Variants in RGSL1 observed in about 807,000 individuals in gnomAD.
RGSL1 encodes regulator of G protein signaling protein-like.
RGSL1 carries 97 observed loss-of-function variants against 124.7 expected under a neutral mutation model. The observed-to-expected ratio is 0.78, with a 90% CI of 0.66 to 0.92. The LOEUF (loss-of-function observed/expected upper bound fraction) is 0.92, where lower values mean the gene tolerates loss of function less well. RGSL1 is among the 40% of genes least tolerant of loss of function. The probability of loss-of-function intolerance (pLI) is 0.00; values close to 1 mark genes in which losing one functional copy is unlikely to be tolerated. For synonymous variants in RGSL1, 424 were observed against 438.1 expected (o/e 0.97, Z 0.40); for missense variants, 1,233 against 1,288.4 (o/e 0.96, Z 0.66).
At chr1:182,511,464 G>A (rs565182596) in intron 9 of RGSL1, among the ~76,000 whole-genome samples, 36 of 152,258 alleles carry the variant, frequency 2.4e-4, no homozygotes, top group African/African-American at 2.4e-4. Flanking sequence ...GAGCCACCGC[G>A]CCTGTCCAGT....
In RGSL1 at chr1:182,555,700, C is replaced by G. The variant is rs78618066; in HGVS notation, c.3198-324C>G. 6.8e-5 allele frequency: 21 copies of G among 307,690 alleles called. No individual in the cohort carries two copies. The East Asian group carries it at 1.4e-3, about 21-fold the overall frequency. The allele number at this position is 307,690 out of a possible 1,614,324, so 19.1% of individuals were successfully genotyped here. A position where few individuals can be genotyped will look rare whatever the true frequency, so the allele number is the denominator to read the frequency against. On this transcript the variant is annotated intron_variant, in intron 20 of 21. Transcript: ENST00000294854. The stretch of plus-strand genomic sequence containing the variant: ...GGCTTGGTGTCCTTGCCAGCCAAGT[C>G]ACTTCTCAGGCCTGTTTCCAGACTT...
chr1:182,505,569 C>T (rs471910), intron 9 of RGSL1, among the ~76,000 whole-genome samples: 127,460 of 152,114 alleles, frequency 0.84, 53,699 homozygotes, highest in Non-Finnish European at 0.87. Flanking sequence ...TCTGAGAGCT[C>T]CCTCCTTTGC....
intron 10 of RGSL1, among the ~76,000 whole-genome samples, chr1:182,522,900 T>C (rs1030272605): frequency 2.0e-5 from 3 of 152,222 alleles, no homozygotes; most frequent in Admixed American, 6.5e-5. Context: ...CTATTATCTA[T>C]CTATAATGGC....
At chr1:182,551,330 C>A (rs979615644) in intron 18 of RGSL1, 121 bp downstream of exon 18, 1 of 749,572 alleles carries the variant, frequency 1.3e-6, no homozygotes, top group African/African-American at 1.8e-5. Flanking sequence ...GCCGGGACAG[C>A]TCATTTACTT....
intron 15 of RGSL1, among the ~76,000 whole-genome samples, chr1:182,546,436 C>T (rs1435429813): frequency 1.3e-5 from 2 of 151,978 alleles, no homozygotes; most frequent in South Asian, 4.1e-4. Context: ...CTCACTCTGT[C>T]GCCAGGCTGG....
At chr1:182,534,243 C>G (rs947954148) in intron 14 of RGSL1, among the ~76,000 whole-genome samples, 1 of 152,172 alleles carries the variant, frequency 6.6e-6, no homozygotes, top group Non-Finnish European at 1.5e-5. Context: ...TAAACTCTTG[C>G]CAACCATATA....
At chr1:182,542,472 T>C (rs866244725) in intron 15 of RGSL1, among the ~76,000 whole-genome samples, 3 of 152,202 alleles carry the variant, frequency 2.0e-5, no homozygotes, top group Non-Finnish European at 2.9e-5. Context: ...TATAGCTTTG[T>C]AGTATCTTTT....
upstream of RGSL1, chr1:182,448,155 T>C (rs1012942800): frequency 5.9e-5 from 9 of 152,482 alleles, no homozygotes; most frequent in African/African-American, 2.2e-4. Context: ...AAATGTCAGA[T>C]CTGAGATGTG....
chr1:182,514,129 G>C (rs1249070122), intron 9 of RGSL1, among the ~76,000 whole-genome samples: 1 of 152,086 alleles, frequency 6.6e-6, no homozygotes, highest in African/African-American at 2.4e-5. Flanking sequence ...CTGACCTAAG[G>C]TGATCCACCA....
At chr1:182,478,659 G>T (rs1001290376) in intron 6 of RGSL1, among the ~76,000 whole-genome samples, 7 of 152,092 alleles carry the variant, frequency 4.6e-5, no homozygotes, top group African/African-American at 1.7e-4. Context: ...AGAGAAAAAG[G>T]GATAGAAAGC....
At chr1:182,458,452 G>A in intron 3 of RGSL1, 59 bp downstream of exon 3, 4 of 1,346,916 alleles carry the variant, frequency 3.0e-6, no homozygotes, top group African/African-American at 1.5e-5. Context: ...AACTATAATT[G>A]TTTTTTGTTG....
intron 14 of RGSL1, 102 bp downstream of exon 14, chr1:182,532,893 C>G: frequency 7.5e-7 from 1 of 1,328,496 alleles, no homozygotes; most frequent in Non-Finnish European, 1.0e-6. Flanking sequence ...CTGCGGCAGC[C>G]TGGAGTCTAG....
chr1:182,486,147 T>C (rs1250569997), intron 6 of RGSL1, among the ~76,000 whole-genome samples: 1 of 152,166 alleles, frequency 6.6e-6, no homozygotes, highest in East Asian at 1.9e-4. Flanking sequence ...GAAAAACTAT[T>C]AAAACTATTA....
chr1:182,529,214 C>A (rs1208466106), intron 11 of RGSL1, among the ~76,000 whole-genome samples: 1 of 152,034 alleles, frequency 6.6e-6, no homozygotes, highest in Non-Finnish European at 1.5e-5. Context: ...TTTATTTAAT[C>A]CCTGTAATAT....
chr1:182,492,711 C>A (rs2102111065), intron 8 of RGSL1, among the ~76,000 whole-genome samples: 1 of 151,418 alleles, frequency 6.6e-6, no homozygotes. Flanking sequence ...TCACTACAAG[C>A]TCCGCCTCCC....
At chr1:182,552,544 G>T (rs954063185) in intron 18 of RGSL1, among the ~76,000 whole-genome samples, 2 of 152,198 alleles carry the variant, frequency 1.3e-5, no homozygotes, top group African/African-American at 4.8e-5. Context: ...AACAGCATCA[G>T]AGAGTCATAA....
chr1:182,551,932 C>T (rs1660588409), intron 18 of RGSL1, among the ~76,000 whole-genome samples: 1 of 152,132 alleles, frequency 6.6e-6, no homozygotes, highest in Non-Finnish European at 1.5e-5. Flanking sequence ...CAGTAGCATG[C>T]TGTATAGGTT....
intron 9 of RGSL1, among the ~76,000 whole-genome samples, chr1:182,495,441 A>T (rs1655840895): frequency 6.6e-6 from 1 of 152,122 alleles, no homozygotes; most frequent in South Asian, 2.1e-4. Flanking sequence ...ATCCATCCAC[A>T]TGTGTATATT....
chr1:182,490,724 C>T (rs1655455424), intron 8 of RGSL1, among the ~76,000 whole-genome samples: 1 of 152,128 alleles, frequency 6.6e-6, no homozygotes, highest in Non-Finnish European at 1.5e-5. Flanking sequence ...GTGAACCACC[C>T]TCCATGGAAG....
Sources: allele counts gnomAD v4.1 joint callset (sites outside exome capture counted in the v4.1 genomes callset), GRCh38; gene constraint gnomAD v4.1.1; transcripts MANE v1.5; gene names NCBI Gene and HGNC (gene_info 2026-07-23, HGNC 2026-07-21).